CNKSR2: variants seen among roughly 807,000 people sequenced by gnomAD.
CNKSR2 encodes the protein connector enhancer of kinase suppressor of Ras 2.
A neutral mutation model predicts 84.4 loss-of-function variants in CNKSR2; 14 were observed. The observed-to-expected ratio is 0.17, with a 90% CI of 0.11 to 0.26. The LOEUF (loss-of-function observed/expected upper bound fraction) is 0.26, where lower values mean the gene tolerates loss of function less well. CNKSR2 is among the 10% of genes least tolerant of loss of function. The probability of loss-of-function intolerance (pLI) is 1.00; values close to 1 mark genes in which losing one functional copy is unlikely to be tolerated. For synonymous variants in CNKSR2, 275 were observed against 277.9 expected (o/e 0.99, Z 0.10); for missense variants, 485 against 771.2 (o/e 0.63, Z 4.40).
At chrX:21,565,611 T>G (rs2147195877) in intron 13 of CNKSR2, among the ~76,000 whole-genome samples, 1 of 111,560 alleles carries the variant, frequency 9.0e-6, no homozygotes, top group South Asian at 3.8e-4. Flanking sequence ...TAAGGAATAT[T>G]GTTAACTTTG....
intron 5 of CNKSR2, among the ~76,000 whole-genome samples, chrX:21,476,257 T>C (rs987427928): frequency 9.0e-6 from 1 of 111,317 alleles, no homozygotes; most frequent in Non-Finnish European, 1.9e-5. Context: ...GAAGGTAAGG[T>C]CACTATAAAC....
intron 1 of CNKSR2, among the ~76,000 whole-genome samples, chrX:21,420,136 C>T (rs1439081517): frequency 8.9e-6 from 1 of 112,517 alleles, no homozygotes; most frequent in Non-Finnish European, 1.9e-5. Flanking sequence ...CTCTTCTCTC[C>T]CCTTTCCAAA....
intron 1 of CNKSR2, among the ~76,000 whole-genome samples, chrX:21,381,798 T>G (rs1162155813): frequency 8.9e-6 from 1 of 111,781 alleles, no homozygotes; most frequent in African/African-American, 3.3e-5. Flanking sequence ...TAGTTAAGTC[T>G]TACTCACCCT....
intron 11 of CNKSR2, chrX:21,538,138 C>A (rs1167063802): frequency 9.0e-6 from 1 of 111,489 alleles, no homozygotes; most frequent in African/African-American, 3.3e-5. Flanking sequence ...GTAATGAATT[C>A]CCTCAGTCTT....
intron 8 of CNKSR2, among the ~76,000 whole-genome samples, chrX:21,510,357 T>G (rs1302982151): frequency 9.2e-6 from 1 of 108,891 alleles, no homozygotes. Context: ...TGAAAAAAGG[T>G]AAAAAAAAAG....
intron 11 of CNKSR2, among the ~76,000 whole-genome samples, chrX:21,558,678 A>G (rs771332910): frequency 9.0e-6 from 1 of 111,287 alleles, no homozygotes; most frequent in African/African-American, 3.2e-5. Flanking sequence ...TAGCTCCATT[A>G]AAATTTCAGA....
At chrX:21,443,236 T>C (rs1244259780) in intron 4 of CNKSR2, among the ~76,000 whole-genome samples, 2 of 111,306 alleles carry the variant, frequency 1.8e-5, no homozygotes, top group Admixed American at 1.9e-4. Context: ...CAAAAATGGG[T>C]AAGGAATAAA....
At chrX:21,586,160 C>T (rs1413055982) in intron 13 of CNKSR2, among the ~76,000 whole-genome samples, 1 of 111,403 alleles carries the variant, frequency 9.0e-6, no homozygotes, top group East Asian at 2.8e-4. Context: ...TGAGAGTCTT[C>T]TCTAATGAGT....
chrX:21,485,234 A>G (rs888980996), intron 5 of CNKSR2, among the ~76,000 whole-genome samples: 10 of 111,869 alleles, frequency 8.9e-5, no homozygotes, highest in African/African-American at 3.2e-4. Context: ...ATTAATCTTA[A>G]AAGTATCTGA....
chrX:21,521,850 C>CCT (rs2091787747), intron 9 of CNKSR2, among the ~76,000 whole-genome samples: 1 of 110,375 alleles, frequency 9.1e-6, no homozygotes, highest in Non-Finnish European at 1.9e-5. Context: ...GATACTCAAA[C>CCT]CTTTTGTATT....
intron 20 of CNKSR2, among the ~76,000 whole-genome samples, chrX:21,638,623 A>T (rs2092681503): frequency 9.0e-6 from 1 of 111,726 alleles, no homozygotes. Context: ...GATGAGTAGT[A>T]GCTTAATAAA....
intron 8 of CNKSR2, among the ~76,000 whole-genome samples, chrX:21,512,642 G>C (rs1213043417): frequency 9.0e-6 from 1 of 111,491 alleles, no homozygotes; most frequent in Non-Finnish European, 1.9e-5. Flanking sequence ...AAGGCAGTGA[G>C]AAGAGGCATT....
At chrX:21,526,787 T>G in intron 9 of CNKSR2, 80 bp from the exon 10 acceptor site, 3 of 488,778 alleles carry the variant, frequency 6.1e-6, no homozygotes, top group Non-Finnish European at 9.3e-6. Context: ...CTATGTGTCA[T>G]TGTTGTTGTT....
rs369680902 is a variant in CNKSR2, at chrX:21,518,092, A to G, written c.957+1461A>G. ...ATGTCCAAATCCATTTGACTTGCAT[A>G]TATGTTTATTTTAAAAGATACTTGA... On this transcript the variant is annotated intron_variant, in intron 9 of 21. Coordinates refer to ENST00000379510, the MANE Select transcript of CNKSR2 (RefSeq NM_014927.5). Among the ~76,000 whole-genome samples, 14 of 112,053 alleles carry G rather than the reference A, an allele frequency of 1.2e-4. No homozygotes were observed. In the East Asian group the frequency reaches 2.3e-3, roughly 18 times the overall value.
At chrX:21,436,322 A>G (rs1463171183) in intron 3 of CNKSR2, among the ~76,000 whole-genome samples, 1 of 111,718 alleles carries the variant, frequency 9.0e-6, no homozygotes, top group Non-Finnish European at 1.9e-5. Context: ...AGCTTTCCTT[A>G]TTAGTTTCTA....
intron 3 of CNKSR2, among the ~76,000 whole-genome samples, chrX:21,437,459 G>A (rs895642999): frequency 1.1e-5 from 1 of 89,507 alleles, no homozygotes; most frequent in Admixed American, 1.4e-4. Flanking sequence ...TCACTCTGTC[G>A]CCCAGCCTAG....
intron 11 of CNKSR2, among the ~76,000 whole-genome samples, chrX:21,537,251 T>G (rs1016966348): frequency 2.7e-5 from 3 of 111,930 alleles, no homozygotes; most frequent in African/African-American, 9.7e-5. Context: ...AGAATTTCAA[T>G]TTTTAAAATT....
chrX:21,507,609 A>G (rs1459108621), intron 8 of CNKSR2, among the ~76,000 whole-genome samples: 2 of 111,719 alleles, frequency 1.8e-5, no homozygotes, highest in African/African-American at 6.5e-5. Context: ...ATATATACAT[A>G]TATTGCAGTA....
rs1462093768 is a variant in CNKSR2 at position 21,374,618 on chromosome X, AGCAGCAGCAGCAGCC to A, written c.-277_-263del. On this transcript the variant is annotated 5_prime_UTR_variant, in exon 1 of 22. Coordinates refer to ENST00000379510, the MANE Select transcript of CNKSR2 (RefSeq NM_014927.5). Reference sequence around the variant, plus strand: ...AGGCAGCAGCAGCAGCAGCAGCAGCAGCAGCAGCAGCAGCCGCCGCCGCCGCCGCCTTAGCGGGAA... The same window carrying A: ...AGGCAGCAGCAGCAGCAGCAGCAGCAGCCGCCGCCGCCGCCTTAGCGGGAA... 14 of 506,668 alleles carry A rather than the reference AGCAGCAGCAGCAGCC, an allele frequency of 2.8e-5. No homozygotes were observed. Among genetic ancestry groups the A allele is most frequent in the African/African-American group, 2.4e-4 (10 of 42,381 alleles). 41.8% of individuals were successfully genotyped at this position (506,668 alleles called of 1,213,427 possible). A position where few individuals can be genotyped will look rare whatever the true frequency, so the allele number is the denominator to read the frequency against.
Sources: gnomAD v4.1 joint callset for allele counts (sites outside exome capture counted in the v4.1 genomes callset) on GRCh38, gnomAD v4.1.1 for gene constraint, MANE v1.5 for transcripts, NCBI Gene and HGNC (gene_info 2026-07-23, HGNC 2026-07-21) for gene names.